The following FBN3 variants were observed in gnomAD, a reference collection of about 807,000 sequenced individuals.
FBN3 encodes fibrillin-3.
FBN3 carries 234 observed loss-of-function variants against 330.1 expected under a neutral mutation model. The ratio of observed to expected loss-of-function variants is 0.71; its 90% CI spans 0.64 to 0.79. FBN3 has a LOEUF of 0.79. Ranked by LOEUF, FBN3 falls within the 30% of genes least tolerant of loss-of-function variation. The pLI, the probability that FBN3 is intolerant of heterozygous loss-of-function variation, is 0.00. For missense variants in FBN3, 3,606 were observed against 3,886.9 expected, an observed-to-expected ratio of 0.93 and a Z score of 1.92; for synonymous variants, 1,458 against 1,517.3, an observed-to-expected ratio of 0.96 and a Z score of 0.91.
At chr19:8,141,235 C>T (rs1246154202) in intron 8 of FBN3, among the ~76,000 whole-genome samples, 24 of 147,806 alleles carry the variant, frequency 1.6e-4, no homozygotes, top group Admixed American at 6.8e-4. Flanking sequence ...GGCGTGGTGG[C>T]GTGCGCCTGT....
chr19:8,111,496 G>A (rs987936816), intron 32 of FBN3, 152 bp downstream of exon 32: 17 of 893,078 alleles, frequency 1.9e-5, no homozygotes, highest in Admixed American at 1.4e-4. Context: ...CCGCAGCACC[G>A]CCTGGGCCGA....
intron 13 of FBN3, among the ~76,000 whole-genome samples, chr19:8,135,226 G>T (rs2144995701): frequency 6.6e-6 from 1 of 151,788 alleles, no homozygotes; most frequent in East Asian, 1.9e-4. Flanking sequence ...CGATCCTCCT[G>T]CCTTCCAAAG....
chr19:8,094,615 C>T, intron 46 of FBN3, 50 bp from the exon 47 acceptor site: 3 of 1,582,448 alleles, frequency 1.9e-6, no homozygotes, highest in Non-Finnish European at 2.6e-6. Flanking sequence ...ATGCAGGGGG[C>T]TCACTTGGGA....
At chr19:8,138,911 G>T (rs1568454568) in intron 8 of FBN3, among the ~76,000 whole-genome samples, 1 of 152,172 alleles carries the variant, frequency 6.6e-6, no homozygotes, top group African/African-American at 2.4e-5. Flanking sequence ...GCCAAGGGTG[G>T]TGGCAGGCAC....
Position 8,073,089 on chromosome 19 carries a change from A to G in FBN3, c.7911T>C (p.Pro2637=), listed in dbSNP as rs750541712. 2 of 1,612,142 alleles carry G rather than the reference A, an allele frequency of 1.2e-6. No individual in the cohort carries two copies. Residue 2637 remains proline, a synonymous_variant, in exon 62 of 64, where the codon CCT becomes CCC. Transcript: ENST00000600128. ...CTTGCCCAGCCCGGAAGTAGCCTTG[A>G]GGACAGCCGCACAGGAAGCCACCAG... is the stretch of plus-strand genomic sequence containing the variant. ...NTPGGFLCGC[P]QGYFRAGQGH... is the part of the protein sequence containing the mutation.
In FBN3 at chr19:8,131,223, G is replaced by C; in HGVS notation, c.2044+12C>G. ...GGCTGGCTGCTGTTTGGAGGGGCTG[G>C]GCTCCACTTACCTCGACCATCCGTG... On this transcript the variant is annotated intron_variant, in intron 16 of 63. Coordinates refer to ENST00000600128, the MANE Select transcript of FBN3 (RefSeq NM_032447.5). This position sits in a 1 kb window ranked among gnomAD's most constrained non-coding sequence, Gnocchi z 4.5. The C allele has an allele frequency of 2.5e-6, 4 of 1,605,510 alleles. No individual in the cohort carries two copies. The highest frequency in any genetic ancestry group is 3.4e-6 in the Non-Finnish European group (4 of 1,177,326).
chr19:8,124,115 T>G (rs4804269), intron 22 of FBN3, 107 bp from the exon 23 acceptor site: 4 of 956,386 alleles, frequency 4.2e-6, no homozygotes, highest in Admixed American at 4.2e-5. Context: ...CCGGACGTAG[T>G]CAGGTCGAGG....
chr19:8,091,728 A>C, intron 47 of FBN3, 138 bp from the exon 48 acceptor site: 19 of 893,876 alleles, frequency 2.1e-5, no homozygotes, highest in Middle Eastern at 3.4e-4. Context: ...CTGAGAGCTC[A>C]GTATGAGCTT....
intron 30 of FBN3, among the ~76,000 whole-genome samples, chr19:8,115,183 G>A (rs1254970736): frequency 6.6e-6 from 1 of 152,146 alleles, no homozygotes; most frequent in East Asian, 1.9e-4. Context: ...GCCACCAATT[G>A]TGTGATCATT....
At chr19:8,119,128 AC>A in intron 25 of FBN3, 106 bp from the exon 26 acceptor site, 1 of 1,337,458 alleles carries the variant, frequency 7.5e-7, no homozygotes, top group Non-Finnish European at 1.0e-6. Context: ...AGCCCCCTTC[AC>A]CCCAGCGGGA....
rs1054977977 is a variant in FBN3, at chr19:8,065,790, C to G, written c.*129G>C. 6.0e-6 allele frequency: 5 copies of G among 834,992 alleles called. No individual in the cohort carries two copies. The highest frequency in any genetic ancestry group is 9.2e-6 in the Non-Finnish European group (5 of 545,672). The allele number at this position is 834,992 out of a possible 1,614,324, so 51.7% of individuals were successfully genotyped here. ...AGAGGCCGGGCTTGCCTGAGGTTGT[C>G]GTGTAGCATTTCACTCTTCCTGAGT... On this transcript the variant is annotated 3_prime_UTR_variant, in exon 64 of 64. Transcript: ENST00000600128.
intron 8 of FBN3, among the ~76,000 whole-genome samples, chr19:8,140,103 G>A (rs2083378527): frequency 6.6e-6 from 1 of 152,200 alleles, no homozygotes; most frequent in Non-Finnish European, 1.5e-5. Context: ...CGGGAAACTC[G>A]ATTTCCCAAT....
At chr19:8,099,188 T>C (rs2082274042) in intron 41 of FBN3, among the ~76,000 whole-genome samples, 1 of 149,388 alleles carries the variant, frequency 6.7e-6, no homozygotes, top group Non-Finnish European at 1.5e-5. Flanking sequence ...ATTCCAGCCA[T>C]AAAGCATAAG....
At chr19:8,125,589 G>A (rs113429196) in intron 22 of FBN3, among the ~76,000 whole-genome samples, 10,424 of 152,026 alleles carry the variant, frequency 0.069, 460 homozygotes, top group Middle Eastern at 0.12. Context: ...TCAGAAGTTC[G>A]AGACCATCCT....
chr19:8,081,070 G>T lies in FBN3; in HGVS notation c.7386C>A (p.Val2462=). 6.2e-7 allele frequency: 1 copy of T among 1,613,712 alleles called. No individual in the cohort carries two copies. The highest frequency in any genetic ancestry group is 1.1e-5 in the South Asian group (1 of 91,072). ...GGCAGGTGAAGGCGCCCACAGTGTT[G>T]ACACAGAGGAACTGACAGTTGTGCT... ...SRQHNCQFLC[V]NTVGAFTCRC... Residue 2462 remains valine (V), a synonymous_variant, in exon 59 of 64, where the codon GTC becomes GTA. Transcript: ENST00000600128.
chr19:8,090,814 T>C (rs1197890939), intron 48 of FBN3, among the ~76,000 whole-genome samples: 1 of 152,044 alleles, frequency 6.6e-6, no homozygotes, highest in Non-Finnish European at 1.5e-5. Flanking sequence ...ACAGCTGGAA[T>C]CCCACCCCAC....
intron 13 of FBN3, 25 bp downstream of exon 13, chr19:8,135,936 G>GGGGGGGGGGGCCCCCCCCCCCCCCCC: frequency 6.0e-6 from 4 of 668,754 alleles, no homozygotes; most frequent in African/African-American, 2.0e-5. Flanking sequence ...GGAAGCCCCT[G>GGGGGGGGGGGCCCCCCCCCCCCCCCC]CCCACCCGCC....
intron 41 of FBN3, among the ~76,000 whole-genome samples, chr19:8,099,276 ATTT>A (rs386388494): frequency 1.0e-5 from 1 of 98,878 alleles, no homozygotes. Context: ...TCATGGTTTG[ATTT>A]TTTTTTTTTT....
intron 61 of FBN3, chr19:8,074,753 T>G (rs918142275): frequency 5.4e-5 from 16 of 295,852 alleles, no homozygotes; most frequent in South Asian, 2.1e-4. Flanking sequence ...CTAATCACAC[T>G]CGTGGCAGAC....
Sources: gnomAD v4.1 joint callset for allele counts (sites outside exome capture counted in the v4.1 genomes callset) on GRCh38, gnomAD v4.1.1 for gene constraint, Gnocchi (gnomAD v3.1) non-coding constraint, MANE v1.5 for transcripts, NCBI Gene and HGNC (gene_info 2026-07-23, HGNC 2026-07-21) for gene names.